The following PTCH2 variants were observed in gnomAD, a reference collection of about 807,000 sequenced individuals.
The protein encoded by PTCH2 is protein patched homolog 2.
Under a neutral mutation model 117.9 loss-of-function variants are expected in PTCH2, and 96 were observed. The ratio of observed to expected loss-of-function variants is 0.81; its 90% confidence interval spans 0.69 to 0.96. PTCH2 has a LOEUF of 0.96. Among genes scored for constraint, PTCH2 ranks in the 50% least tolerant of loss-of-function variants. The pLI, the probability that PTCH2 is intolerant of heterozygous loss-of-function variation, is 0.00. For synonymous variants in PTCH2, 615 were observed against 660.9 expected (o/e 0.93, Z 1.06); for missense variants, 1,379 against 1,562.5 (o/e 0.88, Z 1.98).
rs757012124 is a variant in PTCH2, at chr1:44,832,154, C to T, written c.453G>A (p.Gly151=). ...TASKVQVSLY[G]KSWDLNKICY... is the part of the protein sequence containing the mutation. ...CTCAGGGGCTCAGCCAGACTCACTT[C>T]CCATAGAGTGATACTTGGACTTTAC... The change falls in exon 3 of 22, where the codon GGG becomes GGA. Residue 151 remains glycine (G), a splice_region_variant and synonymous_variant. Transcript: ENST00000372192. The T allele has an allele frequency of 1.2e-6, 2 of 1,614,162 alleles. No homozygotes were observed. The highest frequency in any genetic ancestry group is 1.7e-6 in the Non-Finnish European group (2 of 1,180,040).
intron 2 of PTCH2, 99 bp from the exon 3 acceptor site, chr1:44,832,440 G>A: frequency 4.7e-6 from 6 of 1,270,656 alleles, no homozygotes; most frequent in Non-Finnish European, 6.8e-6. Flanking sequence ...AGACAAGTGG[G>A]AGAGGTGCGG....
In PTCH2 at chr1:44,827,557, A is replaced by C; in HGVS notation, c.2216T>G (p.Val739Gly). ...AQLRYFSLYE[V>G]ALVTQGGFDY... ...AAAGCCACCCTGGGTCACCAGGGCC[A>C]CCTCGTACAGGGAGAAGTACCTGAG... The change falls in exon 15 of 22, where the codon GTG becomes GGG. Residue 739 changes from valine (V) to glycine (G), a missense_variant. By Grantham distance (109) the Val-to-Gly change is moderately radical. Transcript: ENST00000372192. 6.2e-7 allele frequency: 1 copy of C among 1,614,076 alleles called. No homozygotes were observed. The highest frequency in any genetic ancestry group is 8.5e-7 in the Non-Finnish European group (1 of 1,180,000).
intron 1 of PTCH2, 98 bp downstream of exon 1, chr1:44,842,763 A>G (rs1654011458): frequency 1.6e-6 from 2 of 1,243,720 alleles, no homozygotes; most frequent in Non-Finnish European, 2.3e-6. Context: ...CAGACATCTA[A>G]TGACACTCGG....
At chr1:44,833,840 CG>C (rs1653568236) in intron 2 of PTCH2, among the ~76,000 whole-genome samples, 1 of 150,620 alleles carries the variant, frequency 6.6e-6, no homozygotes, top group Admixed American at 6.6e-5. Flanking sequence ...CCACCGCACC[CG>C]GCCCCAAGTT....
At chr1:44,833,995 TG>T (rs1357171653) in intron 2 of PTCH2, among the ~76,000 whole-genome samples, 1 of 152,022 alleles carries the variant, frequency 6.6e-6, no homozygotes, top group Non-Finnish European at 1.5e-5. Context: ...CCCAAATCCT[TG>T]GTAGCCCCCA....
chr1:44,821,906 T>A, downstream of PTCH2: 1 of 1,364,554 alleles, frequency 7.3e-7, no homozygotes, highest in Non-Finnish European at 9.8e-7. Context: ...CTCCCCACTC[T>A]GTCCAAAAAA....
chr1:44,842,832 T>C (rs1654013650), intron 1 of PTCH2, 29 bp downstream of exon 1: 1 of 1,538,684 alleles, frequency 6.5e-7, no homozygotes, highest in African/African-American at 1.4e-5. Flanking sequence ...CTCCGCTCTC[T>C]TCCTTCTTCC....
Position 44,823,375 on chromosome 1 carries a change from G to A in PTCH2, c.3125C>T (p.Thr1042Ile). 1 of 1,614,206 alleles carries A rather than the reference G, an allele frequency of 6.2e-7. No individual in the cohort carries two copies. Among genetic ancestry groups the A allele is most frequent in the Non-Finnish European group, 8.5e-7 (1 of 1,180,044 alleles). Reference protein sequence around the residue: ...FTVHVALGFLTTQGSRNLRAA... With the variant: ...FTVHVALGFLITQGSRNLRAA... ...CCGCAGGTTCCGGCTGCCCTGGGTG[G>A]TCAGGAAGCCCTAGGAAAACAGAGT... Residue 1042 changes from threonine to isoleucine, a missense_variant, in exon 20 of 22, where the codon ACC becomes ATC. Coordinates refer to ENST00000372192, the MANE Select transcript of PTCH2 (RefSeq NM_003738.5). This position sits in a 1 kb window ranked among gnomAD's most constrained non-coding sequence, Gnocchi z 5.1.
chr1:44,838,729 CTTT>C (rs750441536), intron 2 of PTCH2, among the ~76,000 whole-genome samples: 4 of 144,286 alleles, frequency 2.8e-5, no homozygotes. Context: ...TTTTTCTTTT[CTTT>C]TTTTTTTTTT....
chr1:44,826,904 C>T lies in PTCH2; in HGVS notation c.2693G>A (p.Arg898His), dbSNP rs143534131. ...DKYDTTGENL[R>H]IPPAQPLEFA... ...GCCGAGCTCCCCCCAAGACTCACTGCGAAGGTTCTCCCCCGTGGTGTCGTA... is the reference window on the plus strand; with the variant it reads ...GCCGAGCTCCCCCCAAGACTCACTGTGAAGGTTCTCCCCCGTGGTGTCGTA... The change falls in exon 17 of 22, where the codon CGC becomes CAC. Residue 898 changes from arginine to histidine, a missense_variant and splice_region_variant. By Grantham distance (29) the Arg-to-His change is conservative (BLOSUM62 0). Transcript: ENST00000372192. This position sits in a 1 kb window ranked among gnomAD's most constrained non-coding sequence, Gnocchi z 5.1. 254 of 1,613,934 alleles carry T rather than the reference C, an allele frequency of 1.6e-4. No individual in the cohort carries two copies. The African/African-American group carries it at 3.0e-3, about 19-fold the overall frequency.
At chr1:44,841,725 G>T in intron 2 of PTCH2, 122 bp downstream of exon 2, 1 of 1,044,464 alleles carries the variant, frequency 9.6e-7, no homozygotes, top group Non-Finnish European at 1.5e-6. Context: ...TAGGACTCTG[G>T]CCAGCAGGTG....
rs1313460981 is a variant in PTCH2, at chr1:44,827,073, T to C, written c.2524A>G (p.Arg842Gly). Residue 842 changes from arginine to glycine, a missense_variant, in exon 17 of 22, where the codon AGG becomes GGG. Coordinates refer to ENST00000372192, the MANE Select transcript of PTCH2 (RefSeq NM_003738.5). ...EPLDFSQLTT[R>G]KLVDREGLIP... ...AGTCCCTCTCTGTCCACCAGCTTCC[T>C]TGTGGTCAGCTGCAGAGGCAGAGAG... 2.5e-6 allele frequency: 4 copies of C among 1,613,922 alleles called. No individual in the cohort carries two copies. The highest frequency in any genetic ancestry group is 3.4e-6 in the Non-Finnish European group (4 of 1,179,986).
In PTCH2 at chr1:44,826,563, G is replaced by T. The variant is rs371861016; in HGVS notation, c.2901C>A (p.Ala967=). ...AAGTGCACACCAGCAGGATGCAGAC[G>T]GCCAGCAGGAAGCAGCGCCGCAGGC... ...YLGLRRCFLL[A]VCILLVCTFL... Residue 967 remains alanine, a synonymous_variant, in exon 18 of 22, where the codon GCC becomes GCA. Coordinates refer to ENST00000372192, the MANE Select transcript of PTCH2 (RefSeq NM_003738.5). The surrounding 1 kb of genome is among the most constrained non-coding windows in gnomAD (Gnocchi z 5.1). 1.2e-6 allele frequency: 2 copies of T among 1,613,534 alleles called. No individual in the cohort carries two copies. Among genetic ancestry groups the T allele is most frequent in the Non-Finnish European group, 1.7e-6 (2 of 1,180,022 alleles).
chr1:44,830,856 T>A lies in PTCH2; in HGVS notation c.805A>T (p.Ser269Cys). 1 of 1,554,978 alleles carries A rather than the reference T, an allele frequency of 6.4e-7. No individual in the cohort carries two copies. Among genetic ancestry groups the A allele is most frequent in the Non-Finnish European group, 8.7e-7 (1 of 1,143,518 alleles). ...HCPPSAPNHHSRQAPNVAHEL... is the reference protein window; with the variant it reads ...HCPPSAPNHHCRQAPNVAHEL... ...ACCTGGTTGGAACCCACCTGCCTGC[T>A]GTGATGGTTGGGGGCACTAGGTGGG... The change falls in exon 6 of 22, where the codon AGC becomes TGC. Residue 269 changes from serine (S) to cysteine (C), a missense_variant. By Grantham distance (112) the Ser-to-Cys change is moderately radical (BLOSUM62 -1). Coordinates refer to ENST00000372192, the MANE Select transcript of PTCH2 (RefSeq NM_003738.5).
chr1:44,828,068 C>T lies in PTCH2; in HGVS notation c.1833G>A (p.Gln611=). 1 of 1,614,124 alleles carries T rather than the reference C, an allele frequency of 6.2e-7. No individual in the cohort carries two copies. ...QAFTHCEASS[Q]HVVTILPPQA... ...GGGGAGGCAGGATGGTGACCACATG[C>T]TGGCTGCTGGCTTCACAGTGGGTAA... The change falls in exon 14 of 22, where the codon CAG becomes CAA. Residue 611 remains glutamine, a synonymous_variant. Transcript: ENST00000372192.
intron 11 of PTCH2, 67 bp downstream of exon 11, chr1:44,828,915 T>G (rs1653289456): frequency 1.3e-6 from 2 of 1,505,658 alleles, no homozygotes; most frequent in East Asian, 4.9e-5. Flanking sequence ...CAAGGTCACT[T>G]GAACCAAGAG....
In PTCH2 at chr1:44,826,673, G is replaced by A. The variant is rs569459197; in HGVS notation, c.2791C>T (p.Arg931Trp). Residue 931 changes from arginine (R) to tryptophan (W), a missense_variant, in exon 18 of 22, where the codon CGG (arginine) becomes TGG (tryptophan). Physicochemically the swap from Arg to Trp is moderately radical, Grantham distance 101. Coordinates refer to ENST00000372192, the MANE Select transcript of PTCH2 (RefSeq NM_003738.5). This position sits in a 1 kb window ranked among gnomAD's most constrained non-coding sequence, Gnocchi z 5.1. Reference protein sequence around the residue: ...ADFVEAIEGARAACAEAGQAG... With the variant: ...ADFVEAIEGAWAACAEAGQAG... ...TGGCCGGCCTCTGCGCATGCTGCCC[G>A]GGCCCCCTCGATGGCCTCCACAAAG... The A allele has an allele frequency of 6.2e-6, 10 of 1,609,420 alleles. No homozygotes were observed. The highest frequency in any genetic ancestry group is 4.5e-5 in the East Asian group (2 of 44,814).
At chr1:44,821,199 G>A (rs952876469), downstream of PTCH2, among the ~76,000 whole-genome samples, 13 of 152,100 alleles carry the variant, frequency 8.5e-5, no homozygotes, top group South Asian at 1.2e-3. Context: ...ACCTCCCCAC[G>A]CCTCTAGGTG....
rs1479979567 is a variant in PTCH2, at chr1:44,827,395, C to T, written c.2371+7G>A. The T allele has an allele frequency of 2.5e-6, 4 of 1,613,878 alleles. No individual in the cohort carries two copies. Among genetic ancestry groups the T allele is most frequent in the Non-Finnish European group, 8.5e-7 (1 of 1,179,998 alleles). On this transcript the variant is annotated splice_region_variant and intron_variant, in intron 15 of 21. Transcript: ENST00000372192. The stretch of plus-strand genomic sequence containing the variant: ...CACCCCTCCCTGCCCGTCTCCTCGC[C>T]TCTCACCCTGTAGCCAGTTGCGGTA...
Sources: gnomAD v4.1 joint callset for allele counts (sites outside exome capture counted in the v4.1 genomes callset) on GRCh38, gnomAD v4.1.1 for gene constraint, Gnocchi (gnomAD v3.1) non-coding constraint, MANE v1.5 for transcripts, NCBI Gene and HGNC (gene_info 2026-07-23, HGNC 2026-07-21) for gene names.